KIAA0586: variants seen among roughly 807,000 people sequenced by gnomAD.
KIAA0586 encodes the protein protein TALPID3.
A neutral mutation model predicts 169.8 loss-of-function variants in KIAA0586; 144 were observed. That is an observed-to-expected ratio of 0.85 (90% CI 0.74 to 0.97). KIAA0586 has a LOEUF of 0.97. KIAA0586 is among the 50% of genes least tolerant of loss of function. The probability of loss-of-function intolerance (pLI) is 0.00; values close to 1 mark genes in which losing one functional copy is unlikely to be tolerated. For missense variants in KIAA0586, 1,854 were observed against 1,823.0 expected, an observed-to-expected ratio of 1.02 and a Z score of -0.31; for synonymous variants, 625 against 612.4, an observed-to-expected ratio of 1.02 and a Z score of -0.30.
intron 13 of KIAA0586, among the ~76,000 whole-genome samples, chr14:58,460,721 T>A (rs2040253278): frequency 1.3e-5 from 2 of 152,162 alleles, no homozygotes; most frequent in African/African-American, 4.8e-5. Context: ...AAAATGTGTT[T>A]AAATGTTTCT....
At position 58,459,928 on chromosome 14, in the gene KIAA0586, A is replaced by T; in HGVS notation, c.1742A>T (p.Asp581Val). The T allele has an allele frequency of 1.3e-6, 2 of 1,533,408 alleles. No homozygotes were observed. The highest frequency in any genetic ancestry group is 1.7e-6 in the Non-Finnish European group (2 of 1,144,886). The allele number at this position is 1,533,408 out of a possible 1,614,324, so 95.0% of individuals were successfully genotyped here. A position where few individuals can be genotyped will look rare whatever the true frequency, so the allele number is the denominator to read the frequency against. ...AAGAAAGGTCAGAATATGACTAAAG[A>T]TATTAGAACCAACACACAAGATAAA... ...RTKKGQNMTK[D>V]IRTNTQDKTV... The change falls in exon 13 of 31, where the codon GAT (aspartate) becomes GTT (valine). Residue 581 changes from aspartate to valine, a missense_variant. Asp to Val is a radical substitution (Grantham distance 152). Coordinates refer to ENST00000652326, the MANE Select transcript of KIAA0586 (RefSeq NM_001329943.3).
In KIAA0586 at chr14:58,493,342, A is replaced by G. The variant is rs1405406729; in HGVS notation, c.3990+1067A>G. On this transcript the variant is annotated intron_variant, in intron 26 of 30. Transcript: ENST00000652326. The stretch of plus-strand genomic sequence containing the variant: ...GAGTGCCAGATTTTGTGGGGAAACT[A>G]ATGAGTTTGATATACACATTATATT... Among the ~76,000 whole-genome samples the G allele has an allele frequency of 4.6e-5, 7 of 152,272 alleles. No individual in the cohort carries two copies. In the East Asian group the frequency reaches 1.4e-3, roughly 29 times the overall value.
chr14:58,494,037 G>A (rs976115417), intron 26 of KIAA0586, among the ~76,000 whole-genome samples: 1 of 151,736 alleles, frequency 6.6e-6, no homozygotes, highest in Admixed American at 6.6e-5. Context: ...GTATTTATTC[G>A]TGCAATTGTA....
chr14:58,429,863 A>G (rs1566767933), intron 2 of KIAA0586, among the ~76,000 whole-genome samples: 1 of 152,210 alleles, frequency 6.6e-6, no homozygotes, highest in Non-Finnish European at 1.5e-5. Flanking sequence ...CTTTAAGAAT[A>G]ACATGAAATT....
chr14:58,477,369 C>T lies in KIAA0586; in HGVS notation c.2944+128C>T, dbSNP rs1353954646. ...AAGGTAAGCTCTTCTAACCTTACTTCTTAGTACTTCTTTGGTGATGGTTAG... is the reference window on the plus strand; with the variant it reads ...AAGGTAAGCTCTTCTAACCTTACTTTTTAGTACTTCTTTGGTGATGGTTAG... On this transcript the variant is annotated intron_variant, in intron 20 of 30. Coordinates refer to ENST00000652326, the MANE Select transcript of KIAA0586 (RefSeq NM_001329943.3). The T allele has an allele frequency of 6.7e-5, 39 of 581,780 alleles. 1 individual carries two copies. In the East Asian group the frequency reaches 1.0e-3, roughly 15 times the overall value. 36.0% of individuals were successfully genotyped at this position (581,780 alleles called of 1,614,324 possible).
the KIAA0586 span, among the ~76,000 whole-genome samples, chr14:58,557,572 C>T: frequency 2.0e-5 from 3 of 152,054 alleles, no homozygotes; most frequent in East Asian, 1.9e-4. Context: ...GCCACCAGAC[C>T]GAGAGATTTC....
chr14:58,512,870 C>T (rs555892708), intron 29 of KIAA0586, among the ~76,000 whole-genome samples: 1 of 151,990 alleles, frequency 6.6e-6, no homozygotes, highest in Non-Finnish European at 1.5e-5. Context: ...CTTTCCTTTA[C>T]CCTTGCCTTT....
At chr14:58,436,160 G>GAAAAA (rs1365620320) in intron 4 of KIAA0586, among the ~76,000 whole-genome samples, 1 of 152,130 alleles carries the variant, frequency 6.6e-6, no homozygotes, top group Non-Finnish European at 1.5e-5. Context: ...ATAAGAAAAT[G>GAAAAA]AAATCAGTTA....
chr14:58,494,551 A>G (rs1746608186), intron 26 of KIAA0586, among the ~76,000 whole-genome samples: 1 of 151,998 alleles, frequency 6.6e-6, no homozygotes, highest in South Asian at 2.1e-4. Flanking sequence ...GGTCTGTTTC[A>G]GAGAGTTAAA....
At chr14:58,468,476 T>C (rs1228747954) in intron 16 of KIAA0586, among the ~76,000 whole-genome samples, 12 of 152,226 alleles carry the variant, frequency 7.9e-5, no homozygotes, top group Admixed American at 5.9e-4. Flanking sequence ...AGGGGAACAA[T>C]TGAACTGTGT....
At chr14:58,520,008 A>G (rs2045077304) in intron 29 of KIAA0586, among the ~76,000 whole-genome samples, 1 of 152,224 alleles carries the variant, frequency 6.6e-6, no homozygotes, top group Non-Finnish European at 1.5e-5. Flanking sequence ...GATTTCTTTT[A>G]TAGTATTAAC....
chr14:58,511,830 G>A lies in KIAA0586; in HGVS notation c.4324-692G>A, dbSNP rs529361955. Among the ~76,000 whole-genome samples, 69 of 152,154 alleles carry A rather than the reference G, an allele frequency of 4.5e-4. 1 individual carries two copies. The highest frequency in any genetic ancestry group is 6.2e-4 in the South Asian group (3 of 4,818). On this transcript the variant is annotated intron_variant, in intron 28 of 30. Transcript: ENST00000652326. ...GTTGTATTTATTGATAAGGGTCCAG[G>A]GATTTCTTTTTAAGTTCCTGTTAAA...
intron 28 of KIAA0586, among the ~76,000 whole-genome samples, chr14:58,509,218 C>CA (rs1047678123): frequency 4.6e-5 from 7 of 150,544 alleles, no homozygotes; most frequent in African/African-American, 1.7e-4. Context: ...ACTCTTGTCT[C>CA]AAAAAAAATG....
chr14:58,499,346 G>T (rs748271637), intron 27 of KIAA0586, among the ~76,000 whole-genome samples: 1 of 151,906 alleles, frequency 6.6e-6, no homozygotes, highest in African/African-American at 2.4e-5. Flanking sequence ...TCTGCCTCCC[G>T]AGTTCACCCC....
chr14:58,491,896 A>C (rs1340147325), intron 25 of KIAA0586, among the ~76,000 whole-genome samples: 1 of 152,148 alleles, frequency 6.6e-6, no homozygotes, highest in African/African-American at 2.4e-5. Flanking sequence ...TTTGATTTTT[A>C]TGTTTTTATA....
intron 29 of KIAA0586, among the ~76,000 whole-genome samples, chr14:58,519,751 T>C (rs1289702158): frequency 6.6e-6 from 1 of 152,230 alleles, no homozygotes; most frequent in Admixed American, 6.5e-5. Context: ...TGTTTCCCAG[T>C]GTAGCACTGT....
At chr14:58,460,097 A>G (rs917967573) in intron 13 of KIAA0586, 27 bp downstream of exon 13, 1 of 1,265,962 alleles carries the variant, frequency 7.9e-7, no homozygotes, top group Non-Finnish European at 1.1e-6. Flanking sequence ...TTCTTTTAAC[A>G]TAATTGTTGT....
At chr14:58,543,496 C>T (rs1199749351) in intron 30 of KIAA0586, among the ~76,000 whole-genome samples, 2 of 152,112 alleles carry the variant, frequency 1.3e-5, no homozygotes, top group Non-Finnish European at 2.9e-5. Flanking sequence ...TTCCAGAATC[C>T]ATTCTCTTAT....
intron 29 of KIAA0586, among the ~76,000 whole-genome samples, chr14:58,523,472 A>G (rs1354878028): frequency 6.6e-6 from 1 of 152,098 alleles, no homozygotes; most frequent in Non-Finnish European, 1.5e-5. Context: ...GATTTTTAAA[A>G]TAGATATCAA....
Sources: allele counts gnomAD v4.1 joint callset (sites outside exome capture counted in the v4.1 genomes callset), GRCh38; gene constraint gnomAD v4.1.1; transcripts MANE v1.5; gene names NCBI Gene and HGNC (gene_info 2026-07-23, HGNC 2026-07-21).